Variants in ASGR2 observed in about 807,000 individuals in gnomAD.
ASGR2 encodes the protein asialoglycoprotein receptor 2.
In ASGR2, 34 loss-of-function variants were observed where a neutral mutation model predicts 32.3. The observed-to-expected ratio is 1.05, with a 90% CI of 0.80 to 1.40. The LOEUF (loss-of-function observed/expected upper bound fraction) is 1.40. Among genes scored for constraint, ASGR2 ranks in the 40% most tolerant of loss-of-function variants. ASGR2 has a pLI of 0.00. For missense variants in ASGR2, 385 were observed against 386.4 expected (o/e 1.00, Z 0.03); for synonymous variants, 143 against 150.0 (o/e 0.95, Z 0.34).
At chr17:7,102,792 A>G (rs1233486741) in intron 7 of ASGR2, among the ~76,000 whole-genome samples, 3 of 152,136 alleles carry the variant, frequency 2.0e-5, no homozygotes, top group African/African-American at 7.2e-5. Context: ...GGGAGCTTCT[A>G]AGCTTGGACC....
chr17:7,111,975 G>A (rs1914717185), intron 2 of ASGR2, among the ~76,000 whole-genome samples: 1 of 127,596 alleles, frequency 7.8e-6, no homozygotes, highest in Admixed American at 8.3e-5. Flanking sequence ...CCCAGGAGGT[G>A]GAGGCCACAG....
chr17:7,110,742 C>A (rs1208599168), intron 2 of ASGR2, among the ~76,000 whole-genome samples: 1 of 152,328 alleles, frequency 6.6e-6, no homozygotes. Context: ...GGGAAGAGTT[C>A]TTCTCTCCCC....
Position 7,107,413 on chromosome 17 carries a change from G to T in ASGR2, c.410-96C>A, listed in dbSNP as rs554037701. 3.1e-6 allele frequency: 4 copies of T among 1,281,608 alleles called. No homozygotes were observed. The highest frequency in any genetic ancestry group is 4.4e-6 in the Non-Finnish European group (4 of 910,918). The allele number at this position is 1,281,608 out of a possible 1,614,324, so 79.4% of individuals were successfully genotyped here. A position where few individuals can be genotyped will look rare whatever the true frequency, so the allele number is the denominator to read the frequency against. The stretch of plus-strand genomic sequence containing the variant: ...GGGAAGCATATACACCCACAGACAC[G>T]TACACCATGCATAGACCACACCACA... On this transcript the variant is annotated intron_variant, in intron 5 of 8. Coordinates refer to ENST00000691900, the MANE Select transcript of ASGR2 (RefSeq NM_001201352.2). This position sits in a 1 kb window ranked among gnomAD's most constrained non-coding sequence, Gnocchi z 5.0.
chr17:7,109,773 C>T (rs960601338), intron 2 of ASGR2, among the ~76,000 whole-genome samples: 1 of 152,006 alleles, frequency 6.6e-6, no homozygotes, highest in Non-Finnish European at 1.5e-5. Flanking sequence ...CTGCTGTACC[C>T]ACTCTCACAT....
At position 7,108,024 on chromosome 17, in the gene ASGR2, T is replaced by G; in HGVS notation, c.338-117A>C. On this transcript the variant is annotated intron_variant, in intron 4 of 8. Transcript: ENST00000691900. This position sits in a 1 kb window ranked among gnomAD's most constrained non-coding sequence, Gnocchi z 4.9. ...TGCAGGCGTCCACCTCCTGGCTTCCTGGACCACACCCAGGCTCCCTGCACT... is the reference window on the plus strand; with the variant it reads ...TGCAGGCGTCCACCTCCTGGCTTCCGGGACCACACCCAGGCTCCCTGCACT... 9 of 1,194,306 alleles carry G rather than the reference T, an allele frequency of 7.5e-6. No individual in the cohort carries two copies. The highest frequency in any genetic ancestry group is 1.4e-5 in the South Asian group (1 of 70,348). The allele number at this position is 1,194,306 out of a possible 1,614,324, so 74.0% of individuals were successfully genotyped here.
chr17:7,101,701 G>C lies in ASGR2; in HGVS notation c.795C>G (p.His265Gln). 2 of 1,614,166 alleles carry C rather than the reference G, an allele frequency of 1.2e-6. No individual in the cohort carries two copies. The highest frequency in any genetic ancestry group is 1.7e-6 in the Non-Finnish European group (2 of 1,180,032). The part of the protein sequence containing the change: ...AVTQPDNWHG[H>Q]ELGGSEDCVE... ...CACAGTCTTCACTTCCACCCAGCTC[G>C]TGCCCGTGCCAATTATCTGGCTGAG... is the stretch of plus-strand genomic sequence containing the variant. The change falls in exon 9 of 9, where the codon CAC (histidine) becomes CAG (glutamine). Residue 265 changes from histidine to glutamine, a missense_variant. His to Gln is a conservative substitution (Grantham distance 24, BLOSUM62 0). Coordinates refer to ENST00000691900, the MANE Select transcript of ASGR2 (RefSeq NM_001201352.2).
At chr17:7,109,276 C>G (rs1349211272) in intron 2 of ASGR2, among the ~76,000 whole-genome samples, 1 of 152,068 alleles carries the variant, frequency 6.6e-6, no homozygotes, top group African/African-American at 2.4e-5. Context: ...TGGTTTTCCT[C>G]CCATCCAGCC....
At chr17:7,103,927 C>G (rs1913213320) in intron 7 of ASGR2, among the ~76,000 whole-genome samples, 2 of 151,574 alleles carry the variant, frequency 1.3e-5, no homozygotes, top group East Asian at 3.9e-4. Flanking sequence ...GCTCTCCCTC[C>G]CCGCTCCCAA....
chr17:7,102,535 T>C (rs1054190690), intron 7 of ASGR2, among the ~76,000 whole-genome samples: 1 of 152,160 alleles, frequency 6.6e-6, no homozygotes, highest in Non-Finnish European at 1.5e-5. Flanking sequence ...CACTGTCCCC[T>C]GTTCACAGCC....
In ASGR2 at chr17:7,107,180, A is replaced by T; in HGVS notation, c.497-29T>A. Reference sequence around the variant, plus strand: ...AGGGGACAGGGGGCAGGGAGATGAGATCCAGCCGGAGGGGCAGGCACACTG... The same window carrying T: ...AGGGGACAGGGGGCAGGGAGATGAGTTCCAGCCGGAGGGGCAGGCACACTG... On this transcript the variant is annotated intron_variant, in intron 6 of 8. Transcript: ENST00000691900. The surrounding 1 kb of genome is among the most constrained non-coding windows in gnomAD (Gnocchi z 5.0). The T allele has an allele frequency of 1.2e-6, 2 of 1,614,162 alleles. No individual in the cohort carries two copies. Among genetic ancestry groups the T allele is most frequent in the Non-Finnish European group, 1.7e-6 (2 of 1,180,012 alleles).
Position 7,107,890 on chromosome 17 carries a change from T to C in ASGR2, c.355A>G (p.Lys119Glu). The C allele has an allele frequency of 6.2e-7, 1 of 1,613,376 alleles. No individual in the cohort carries two copies. The highest frequency in any genetic ancestry group is 8.5e-7 in the Non-Finnish European group (1 of 1,179,942). The change falls in exon 5 of 9, where the codon AAG (lysine) becomes GAG (glutamate). Residue 119 changes from lysine (K) to glutamate (E), a missense_variant. By Grantham distance (56) the Lys-to-Glu change is moderately conservative. Transcript: ENST00000691900. This position sits in a 1 kb window ranked among gnomAD's most constrained non-coding sequence, Gnocchi z 5.0. ...AGCTTGGCTCCTAGGGATGTGATCT[T>C]GTCACCCACGCTGCCTCCTGGAAGC... is the stretch of plus-strand genomic sequence containing the variant. ...ISTHGGSVGD[K>E]ITSLGAKLEK...
chr17:7,102,773 G>C (rs560477265), intron 7 of ASGR2, among the ~76,000 whole-genome samples: 1 of 152,270 alleles, frequency 6.6e-6, no homozygotes, highest in Non-Finnish European at 1.5e-5. Context: ...CCTGAGATCT[G>C]TCAGGCCCGG....
At chr17:7,110,045 C>G (rs1047469036) in intron 2 of ASGR2, among the ~76,000 whole-genome samples, 10 of 152,102 alleles carry the variant, frequency 6.6e-5, no homozygotes, top group Non-Finnish European at 1.3e-4. Flanking sequence ...TATCACCCCC[C>G]GACCCAGCAG....
intron 2 of ASGR2, among the ~76,000 whole-genome samples, chr17:7,111,973 G>T (rs1318986547): frequency 7.0e-6 from 1 of 141,886 alleles, no homozygotes; most frequent in African/African-American, 2.7e-5. Flanking sequence ...AGCCCAGGAG[G>T]TGGAGGCCAC....
Position 7,108,658 on chromosome 17 carries a change from G to T in ASGR2, c.242-101C>A, listed in dbSNP as rs1914195972. ...AATGTCCCCGCATTTGCCCCAGCTTGTGCTCCACCCCGCCTCCATCCCTTC... is the reference window on the plus strand; with the variant it reads ...AATGTCCCCGCATTTGCCCCAGCTTTTGCTCCACCCCGCCTCCATCCCTTC... On this transcript the variant is annotated intron_variant, in intron 3 of 8. Transcript: ENST00000691900. The surrounding 1 kb of genome is among the most constrained non-coding windows in gnomAD (Gnocchi z 4.9). 6.2e-7 allele frequency: 1 copy of T among 1,601,622 alleles called. No homozygotes were observed. The highest frequency in any genetic ancestry group is 1.8e-4 in the Middle Eastern group (1 of 5,536).
intron 2 of ASGR2, among the ~76,000 whole-genome samples, chr17:7,109,959 G>C (rs898927836): frequency 2.0e-5 from 3 of 152,028 alleles, no homozygotes; most frequent in Admixed American, 2.0e-4. Context: ...TCCTCTCTTT[G>C]CAGCATCCAC....
chr17:7,112,526 G>A (rs1395503937), intron 2 of ASGR2, among the ~76,000 whole-genome samples: 1 of 152,140 alleles, frequency 6.6e-6, no homozygotes, highest in Non-Finnish European at 1.5e-5. Context: ...GCAGCATCCC[G>A]TATTCTCTCT....
At chr17:7,111,142 A>G (rs2151731497) in intron 2 of ASGR2, among the ~76,000 whole-genome samples, 1 of 152,372 alleles carries the variant, frequency 6.6e-6, no homozygotes, top group South Asian at 2.1e-4. Context: ...AAAGATTACA[A>G]GGCATGCAAT....
At chr17:7,104,363 AAAAAAAAGC>A (rs1913311831) in intron 7 of ASGR2, among the ~76,000 whole-genome samples, 1 of 150,570 alleles carries the variant, frequency 6.6e-6, no homozygotes, top group Non-Finnish European at 1.5e-5. Flanking sequence ...AAAAAAAAAA[AAAAAAAAGC>A]CAGGCGTAGT....
Sources: gnomAD v4.1 joint callset for allele counts (sites outside exome capture counted in the v4.1 genomes callset) on GRCh38, gnomAD v4.1.1 for gene constraint, Gnocchi (gnomAD v3.1) non-coding constraint, MANE v1.5 for transcripts, NCBI Gene and HGNC (gene_info 2026-07-23, HGNC 2026-07-21) for gene names.